The following SSUH2 variants were observed in gnomAD, a reference collection of about 807,000 sequenced individuals.
The protein encoded by SSUH2 is ssu-2 homolog.
In SSUH2, 47 loss-of-function variants were observed where a neutral mutation model predicts 55.3. The observed-to-expected ratio is 0.85, with a 90% CI of 0.67 to 1.08. SSUH2 has a LOEUF of 1.08. Among genes scored for constraint, SSUH2 ranks in the 50% least tolerant of loss-of-function variants. The pLI, the probability that SSUH2 is intolerant of heterozygous loss-of-function variation, is 0.00. For missense variants in SSUH2, 535 were observed against 490.7 expected (o/e 1.09, Z -0.85); for synonymous variants, 212 against 191.5 (o/e 1.11, Z -0.89).
At chr3:8,671,248 CA>C (rs1704529920) in intron 4 of SSUH2, 1 of 170,052 alleles carries the variant, frequency 5.9e-6, no homozygotes, top group African/African-American at 2.3e-5. Context: ...ACTGTGTGTC[CA>C]CCCCGTGTGA....
In SSUH2 at chr3:8,629,456, T is replaced by G. The variant is rs1698297698; in HGVS notation, c.588+208A>C. 7.0e-6 allele frequency: 4 copies of G among 572,448 alleles called. No homozygotes were observed. The East Asian group carries it at 1.1e-4, about 16-fold the overall frequency. 35.5% of individuals were successfully genotyped at this position (572,448 alleles called of 1,614,324 possible). ...AATAAGAGAAAAATTAAAATCGAAC[T>G]GTCAAAGTGAAAGTGTCATTAGAGA... On this transcript the variant is annotated intron_variant, in intron 7 of 11. Transcript: ENST00000544814.
intron 1 of SSUH2, among the ~76,000 whole-genome samples, chr3:8,636,430 C>A (rs1559390143): frequency 6.6e-6 from 1 of 152,192 alleles, no homozygotes; most frequent in Non-Finnish European, 1.5e-5. Flanking sequence ...CAGCCACCTG[C>A]TGAATGCCAC....
At chr3:8,649,638 G>C (rs894302464), upstream of SSUH2, among the ~76,000 whole-genome samples, 1 of 151,798 alleles carries the variant, frequency 6.6e-6, no homozygotes. Context: ...CCTCATACCC[G>C]CATTCAATGT....
At chr3:8,632,261 A>T in intron 4 of SSUH2, 152 bp from the exon 5 acceptor site, 2 of 645,032 alleles carry the variant, frequency 3.1e-6, no homozygotes, top group South Asian at 4.0e-5. Flanking sequence ...GGCTGACAAC[A>T]GCGATTTCTG....
chr3:8,633,591 C>A, intron 4 of SSUH2, 75 bp downstream of exon 4: 1 of 1,258,292 alleles, frequency 7.9e-7, no homozygotes, highest in Non-Finnish European at 1.1e-6. Context: ...ATCACACAAA[C>A]AGGCCTCCAC....
chr3:8,640,795 G>C (rs1002848605), intron 1 of SSUH2, among the ~76,000 whole-genome samples: 3 of 152,174 alleles, frequency 2.0e-5, no homozygotes, highest in Non-Finnish European at 4.4e-5. Context: ...GTGAAGGGTT[G>C]GGAGAAGATT....
intron 5 of SSUH2, among the ~76,000 whole-genome samples, chr3:8,664,938 G>C (rs911221196): frequency 1.3e-5 from 2 of 152,196 alleles, no homozygotes; most frequent in Admixed American, 1.3e-4. Flanking sequence ...CCAAGGCATG[G>C]AGCTTTAATT....
Position 8,632,011 on chromosome 3 carries a change from T to C in SSUH2, c.400+38A>G, listed in dbSNP as rs767762356. On this transcript the variant is annotated intron_variant, in intron 5 of 11. Transcript: ENST00000544814. ...ATTTTCCACCAGCACCCTGACTTAT[T>C]TGCCCCCAGTTAAACTAATTTCAGA... is the stretch of plus-strand genomic sequence containing the variant. 2.6e-5 allele frequency: 40 copies of C among 1,551,244 alleles called. No individual in the cohort carries two copies. In the South Asian group the frequency reaches 4.1e-4, roughly 16 times the overall value.
chr3:8,623,374 T>G, intron 11 of SSUH2, 175 bp downstream of exon 11: 1 of 533,784 alleles, frequency 1.9e-6, no homozygotes, highest in Non-Finnish European at 3.4e-6. Flanking sequence ...GCGTCTTACT[T>G]GCCCTGCTCC....
chr3:8,620,105 G>A lies in SSUH2; in HGVS notation c.982-91C>T, dbSNP rs966700873. The A allele has an allele frequency of 1.5e-5, 21 of 1,418,290 alleles. No homozygotes were observed. The African/African-American group carries it at 2.8e-4, about 19-fold the overall frequency. 87.9% of individuals were successfully genotyped at this position (1,418,290 alleles called of 1,614,324 possible). A position where few individuals can be genotyped will look rare whatever the true frequency, so the allele number is the denominator to read the frequency against. Reference sequence around the variant, plus strand: ...TTTCAGTAGCTCCCTACTGTGTGTGGTATGAAAGGTCCTGCTCTGGAGTTG... The same window carrying A: ...TTTCAGTAGCTCCCTACTGTGTGTGATATGAAAGGTCCTGCTCTGGAGTTG... On this transcript the variant is annotated intron_variant, in intron 11 of 11. Transcript: ENST00000544814.
intron 10 of SSUH2, among the ~76,000 whole-genome samples, chr3:8,624,593 G>A (rs981811491): frequency 3.3e-5 from 5 of 152,168 alleles, no homozygotes; most frequent in South Asian, 2.1e-4. Context: ...CAAGGCCAAC[G>A]GCAGAGTGAG....
At chr3:8,649,468 T>A (rs970727103), upstream of SSUH2, among the ~76,000 whole-genome samples, 4 of 152,096 alleles carry the variant, frequency 2.6e-5, no homozygotes, top group African/African-American at 9.7e-5. Context: ...CACGCACTCA[T>A]GATTCCCAAT....
Position 8,678,976 on chromosome 3 carries a change from AGAG to A in SSUH2, c.-901+726_-901+728del, listed in dbSNP as rs1559568358. Among the ~76,000 whole-genome samples, 690 of 70,214 alleles carry A rather than the reference AGAG, an allele frequency of 9.8e-3. 22 individuals carry two copies. Among genetic ancestry groups the A allele is most frequent in the Non-Finnish European group, 0.016 (500 of 31,044 alleles). 46.1% of individuals were successfully genotyped at this position (70,214 alleles called of 152,430 possible). On this transcript the variant is annotated intron_variant, in intron 2 of 18. Transcript: ENST00000317371. ...TCTTGGGACGCCCATCGCAGGGCGG[AGAG>A]TCACCCCCCGCGAGGTGGGGACTGA...
chr3:8,632,138 C>A, intron 4 of SSUH2, 29 bp from the exon 5 acceptor site: 1 of 1,589,068 alleles, frequency 6.3e-7, no homozygotes, highest in Non-Finnish European at 8.6e-7. Flanking sequence ...CATGTTCACA[C>A]TCGTGCCCCT....
chr3:8,656,976 G>C (rs1471120231), intron 7 of SSUH2, among the ~76,000 whole-genome samples: 2 of 152,180 alleles, frequency 1.3e-5, no homozygotes, highest in Non-Finnish European at 2.9e-5. Context: ...CACCTCCCAG[G>C]TTCAAGTGAT....
In SSUH2 at chr3:8,681,126, C is replaced by A. The variant is rs1395951412; in HGVS notation, c.-1046+765G>T. ...GCGAGGCGGGTTCTGAGAGCCAGCCCCTCTTCCCCCCCTGCCTCTTAGGAC... is the reference window on the plus strand; with the variant it reads ...GCGAGGCGGGTTCTGAGAGCCAGCCACTCTTCCCCCCCTGCCTCTTAGGAC... On this transcript the variant is annotated intron_variant, in intron 1 of 18. Coordinates refer to the SSUH2 transcript ENST00000317371. Among the ~76,000 whole-genome samples the A allele has an allele frequency of 4.5e-4, 45 of 99,448 alleles. 2 individuals carry two copies. Among genetic ancestry groups the A allele is most frequent in the Non-Finnish European group, 9.1e-4 (38 of 41,670 alleles). The allele number at this position is 99,448 out of a possible 152,430, so 65.2% of individuals were successfully genotyped here. A position where few individuals can be genotyped will look rare whatever the true frequency, so the allele number is the denominator to read the frequency against.
At chr3:8,620,225 T>C (rs9868372) in intron 11 of SSUH2, among the ~76,000 whole-genome samples, 6,163 of 152,236 alleles carry the variant, frequency 0.04, 320 homozygotes, top group African/African-American at 0.12. Flanking sequence ...AGGGAGGTAA[T>C]TGAATCGTGG....
intron 7 of SSUH2, among the ~76,000 whole-genome samples, chr3:8,652,576 T>G (rs1465984447): frequency 6.6e-6 from 1 of 152,198 alleles, no homozygotes; most frequent in Non-Finnish European, 1.5e-5. Context: ...TTAAGTGTCT[T>G]GCTTCAAATC....
intron 1 of SSUH2, among the ~76,000 whole-genome samples, chr3:8,639,445 A>G (rs1700469191): frequency 6.6e-6 from 1 of 152,218 alleles, no homozygotes; most frequent in African/African-American, 2.4e-5. Flanking sequence ...AATAGCACTT[A>G]GAGCTCAGAT....
Sources: allele counts gnomAD v4.1 joint callset (sites outside exome capture counted in the v4.1 genomes callset), GRCh38; gene constraint gnomAD v4.1.1; transcripts MANE v1.5; gene names NCBI Gene and HGNC (gene_info 2026-07-23, HGNC 2026-07-21).